The following TIAM1 variants were observed in gnomAD, a reference collection of about 807,000 sequenced individuals.
TIAM1 encodes the protein rho guanine nucleotide exchange factor TIAM1.
In TIAM1, 65 loss-of-function variants were observed where a neutral mutation model predicts 163.5. That is an observed-to-expected ratio of 0.40 (90% CI 0.33 to 0.49). TIAM1 has a LOEUF of 0.49. Ranked by LOEUF, TIAM1 falls within the 20% of genes least tolerant of loss-of-function variation. The pLI, the probability that TIAM1 is intolerant of heterozygous loss-of-function variation, is 0.77. For synonymous variants in TIAM1, 833 were observed against 810.1 expected, an observed-to-expected ratio of 1.03 and a Z score of -0.48; for missense variants, 1,789 against 2,044.7, an observed-to-expected ratio of 0.87 and a Z score of 2.41.
chr21:31,154,060 T>C (rs1364160477), intron 17 of TIAM1, among the ~76,000 whole-genome samples, 187 bp downstream of exon 17: 1 of 149,866 alleles, frequency 6.7e-6, no homozygotes, highest in Non-Finnish European at 1.5e-5. Flanking sequence ...TGAGACTATC[T>C]TAAAAAAACA....
chr21:31,201,122 G>C (rs552722031), intron 12 of TIAM1, among the ~76,000 whole-genome samples: 2 of 152,154 alleles, frequency 1.3e-5, no homozygotes, highest in African/African-American at 2.4e-5. Flanking sequence ...GGTTAGGCAT[G>C]ATCCCTATAA....
upstream of TIAM1, among the ~76,000 whole-genome samples, chr21:31,344,495 C>T (rs1375707201): frequency 1.3e-5 from 2 of 152,170 alleles, no homozygotes; most frequent in Non-Finnish European, 2.9e-5. Flanking sequence ...CCTGGTCACC[C>T]TGCACAAAGC....
Position 31,120,539 on chromosome 21 carries a change from C to G in TIAM1, c.4605G>C (p.Gln1535His). The G allele has an allele frequency of 6.2e-7, 1 of 1,614,240 alleles. No homozygotes were observed. The change falls in exon 28 of 28, where the codon CAG (glutamine) becomes CAC (histidine). Residue 1535 changes from glutamine to histidine, a missense_variant. Physicochemically the swap from Gln to His is conservative, Grantham distance 24 (BLOSUM62 0). Transcript: ENST00000541036. The surrounding 1 kb of genome is among the most constrained non-coding windows in gnomAD (Gnocchi z 4.2). ...QERLQATSIS[Q>H]RERGRKTLDS... Reference sequence around the variant, plus strand: ...CCAGGGTTTTCCGGCCTCTTTCCCGCTGACTGATGGAGGTGGCCTGAAGCC... The same window carrying G: ...CCAGGGTTTTCCGGCCTCTTTCCCGGTGACTGATGGAGGTGGCCTGAAGCC...
chr21:31,200,518 ATAT>A (rs1452830444), intron 12 of TIAM1, among the ~76,000 whole-genome samples: 1 of 152,184 alleles, frequency 6.6e-6, no homozygotes, highest in African/African-American at 2.4e-5. Context: ...GTGTCTCAAA[ATAT>A]TATTTATGCT....
At chr21:31,358,876 C>T (rs2076357755) in intron 2 of TIAM1, among the ~76,000 whole-genome samples, 1 of 152,148 alleles carries the variant, frequency 6.6e-6, no homozygotes, top group Admixed American at 6.5e-5. Flanking sequence ...AAAAGCCAAA[C>T]TCCCTAGAGG....
At chr21:31,291,825 A>G (rs1283525248) in intron 2 of TIAM1, among the ~76,000 whole-genome samples, 4 of 152,144 alleles carry the variant, frequency 2.6e-5, no homozygotes, top group Non-Finnish European at 4.4e-5. Flanking sequence ...GCCCAGCCGA[A>G]TTCCATGCCT....
At chr21:31,144,652 A>ACC (rs577463432) in intron 20 of TIAM1, among the ~76,000 whole-genome samples, 2 of 151,412 alleles carry the variant, frequency 1.3e-5, no homozygotes, top group Non-Finnish European at 2.9e-5. Flanking sequence ...ACATGGTGAG[A>ACC]CCCCCGTCTC....
chr21:31,507,171 C>T (rs1430611677), intron 1 of TIAM1, among the ~76,000 whole-genome samples: 1 of 100,596 alleles, frequency 9.9e-6, no homozygotes, highest in Non-Finnish European at 2.1e-5. Flanking sequence ...GGTGCATGCA[C>T]CTTTTTAATT....
At position 31,266,122 on chromosome 21, in the gene TIAM1, C is replaced by T; in HGVS notation, c.851G>A (p.Ser284Asn). The T allele has an allele frequency of 6.2e-7, 1 of 1,614,182 alleles. No homozygotes were observed. The stretch of plus-strand genomic sequence containing the variant: ...CCTACAGGGAAGTGTGTTATAATTA[C>T]TGTACGGAGGAGTCTCTTCAGCAGC... ...PAAAEETPPY[S>N]NYNTLPCRKS... Residue 284 changes from serine (S) to asparagine (N), a missense_variant, in exon 4 of 28, where the codon AGT becomes AAT. Ser to Asn is a conservative substitution (Grantham distance 46). Coordinates refer to ENST00000541036, the MANE Select transcript of TIAM1 (RefSeq NM_001353694.2).
intron 3 of TIAM1, among the ~76,000 whole-genome samples, chr21:31,272,673 TTAAC>T (rs1219042647): frequency 2.0e-5 from 3 of 152,148 alleles, no homozygotes; most frequent in South Asian, 2.1e-4. Context: ...AAAACGAGCC[TTAAC>T]TAACTAACTG....
intron 9 of TIAM1, among the ~76,000 whole-genome samples, chr21:31,216,183 C>T (rs1237927197): frequency 6.6e-6 from 1 of 151,870 alleles, no homozygotes; most frequent in Admixed American, 6.6e-5. Flanking sequence ...CAAAACAAAA[C>T]AAAACCAAAA....
At chr21:31,456,454 G>A (rs2045105895) in intron 2 of TIAM1, among the ~76,000 whole-genome samples, 1 of 152,216 alleles carries the variant, frequency 6.6e-6, no homozygotes, top group African/African-American at 2.4e-5. Context: ...TCAGGGCAAA[G>A]GGCCTTTGCC....
At chr21:31,532,207 T>G (rs532300626) in intron 1 of TIAM1, among the ~76,000 whole-genome samples, 1 of 152,172 alleles carries the variant, frequency 6.6e-6, no homozygotes, top group Non-Finnish European at 1.5e-5. Flanking sequence ...AGGACTGACA[T>G]GCTATCTCTG....
chr21:31,185,467 A>C (rs982792182), intron 14 of TIAM1, among the ~76,000 whole-genome samples: 1 of 143,892 alleles, frequency 6.9e-6, no homozygotes, highest in Non-Finnish European at 1.5e-5. Flanking sequence ...TATATAATGT[A>C]TTAATATATT....
intron 5 of TIAM1, among the ~76,000 whole-genome samples, chr21:31,251,188 T>C (rs2071784726): frequency 6.6e-6 from 1 of 152,180 alleles, no homozygotes; most frequent in Non-Finnish European, 1.5e-5. Flanking sequence ...CCTTTGAAAC[T>C]GTCATCAAAC....
intron 2 of TIAM1, among the ~76,000 whole-genome samples, chr21:31,445,305 C>A (rs2044583651): frequency 6.6e-6 from 1 of 152,164 alleles, no homozygotes; most frequent in Non-Finnish European, 1.5e-5. Context: ...TGGCTTCAAC[C>A]TTCTGTAATG....
chr21:31,494,458 G>A (rs890828139), intron 1 of TIAM1, among the ~76,000 whole-genome samples: 5 of 152,172 alleles, frequency 3.3e-5, no homozygotes, highest in African/African-American at 1.2e-4. Flanking sequence ...AAAGGGCTAT[G>A]GGTCCAAGAA....
Position 31,222,682 on chromosome 21 carries a change from T to C in TIAM1, c.1995+724A>G, listed in dbSNP as rs1172305411. 5.0e-4 allele frequency among the ~76,000 whole-genome samples: 18 copies of C among 35,826 alleles called. No homozygotes were observed. The East Asian group carries it at 8.2e-3, about 16-fold the overall frequency. The allele number at this position is 35,826 out of a possible 152,430, so 23.5% of individuals were successfully genotyped here. A position where few individuals can be genotyped will look rare whatever the true frequency, so the allele number is the denominator to read the frequency against. ...ATACATACATGTACACATACATATA[T>C]ATATATATATATATATATATATATA... On this transcript the variant is annotated intron_variant, in intron 8 of 27. Transcript: ENST00000541036.
chr21:31,147,118 C>A, intron 19 of TIAM1, 115 bp from the exon 20 acceptor site: 1 of 810,614 alleles, frequency 1.2e-6, no homozygotes, highest in South Asian at 1.6e-5. Context: ...CAACATCTTC[C>A]GTGCCTGTCA....
Sources: gnomAD v4.1 joint callset for allele counts (sites outside exome capture counted in the v4.1 genomes callset) on GRCh38, gnomAD v4.1.1 for gene constraint, Gnocchi (gnomAD v3.1) non-coding constraint, MANE v1.5 for transcripts, NCBI Gene and HGNC (gene_info 2026-07-23, HGNC 2026-07-21) for gene names.